The following DLGAP2 variants were observed in gnomAD, a reference collection of about 807,000 sequenced individuals.
DLGAP2 encodes disks large-associated protein 2.
DLGAP2 carries 26 observed loss-of-function variants against 100.3 expected under a neutral mutation model. That is an observed-to-expected ratio of 0.26 (90% CI 0.19 to 0.36). DLGAP2 has a LOEUF of 0.36. DLGAP2 is among the 10% of genes least tolerant of loss of function. The probability of loss-of-function intolerance (pLI) is 1.00; values close to 1 mark genes in which losing one functional copy is unlikely to be tolerated. For synonymous variants in DLGAP2, 886 were observed against 630.1 expected, an observed-to-expected ratio of 1.41 and a Z score of -6.08; for missense variants, 1,858 against 1,453.2, an observed-to-expected ratio of 1.28 and a Z score of -4.53.
intron 4 of DLGAP2, among the ~76,000 whole-genome samples, chr8:1,516,669 G>A (rs1019751968): frequency 6.6e-6 from 1 of 152,012 alleles, no homozygotes; most frequent in Non-Finnish European, 1.5e-5. Flanking sequence ...ATGAGTGGGT[G>A]ACTGAGTGAA....
intron 2 of DLGAP2, among the ~76,000 whole-genome samples, chr8:1,170,591 T>G (rs13255443): frequency 0.84 from 107,314 of 127,838 alleles, 45,648 homozygotes; most frequent in Non-Finnish European, 0.87. Flanking sequence ...GAGATTCAGC[T>G]TCTTCCTGGT....
At chr8:1,539,443 C>G (rs1049030306) in intron 4 of DLGAP2, among the ~76,000 whole-genome samples, 1 of 152,176 alleles carries the variant, frequency 6.6e-6, no homozygotes. Flanking sequence ...GCTCTAATCT[C>G]GGTGCACTGG....
intron 10 of DLGAP2, among the ~76,000 whole-genome samples, chr8:1,673,175 C>G (rs188001072): frequency 2.7e-4 from 41 of 152,290 alleles, no homozygotes; most frequent in African/African-American, 8.9e-4. Flanking sequence ...CAATCAATCA[C>G]AGCTCACTCC....
At chr8:1,419,211 T>C (rs1797024412) in intron 3 of DLGAP2, among the ~76,000 whole-genome samples, 1 of 98,144 alleles carries the variant, frequency 1.0e-5, no homozygotes, top group Non-Finnish European at 2.6e-5. Context: ...CGTGCGTGTG[T>C]GTGTGTGTGT....
At chr8:1,062,310 G>A (rs369036918) in intron 2 of DLGAP2, among the ~76,000 whole-genome samples, 19 of 152,332 alleles carry the variant, frequency 1.2e-4, no homozygotes, top group East Asian at 1.9e-4. Flanking sequence ...GCAGAGCTCC[G>A]TGGCAGCCTG....
chr8:1,063,232 A>AT (rs1462440060), intron 2 of DLGAP2, among the ~76,000 whole-genome samples: 3 of 152,364 alleles, frequency 2.0e-5, no homozygotes, highest in East Asian at 3.9e-4. Context: ...AAAAGCAGAG[A>AT]TTCCAAGATT....
intron 1 of DLGAP2, among the ~76,000 whole-genome samples, chr8:787,792 C>T (rs1207207907): frequency 6.6e-6 from 1 of 152,232 alleles, no homozygotes. Flanking sequence ...AGTGCCTCTA[C>T]ACTGGTGGTG....
At chr8:1,676,262 G>C (rs1458524149) in intron 10 of DLGAP2, among the ~76,000 whole-genome samples, 1 of 152,142 alleles carries the variant, frequency 6.6e-6, no homozygotes, top group Non-Finnish European at 1.5e-5. Context: ...TGCCTGAGCT[G>C]AACTAAGCAG....
intron 3 of DLGAP2, among the ~76,000 whole-genome samples, chr8:1,471,399 A>G (rs1463798873): frequency 8.0e-6 from 1 of 124,366 alleles, no homozygotes; most frequent in Non-Finnish European, 1.7e-5. Flanking sequence ...GCTGACCTCC[A>G]CACTCTGTCC....
chr8:1,419,794 G>C (rs542113119), intron 3 of DLGAP2, among the ~76,000 whole-genome samples: 1 of 152,320 alleles, frequency 6.6e-6, no homozygotes, highest in South Asian at 2.1e-4. Context: ...AAGGAAAACA[G>C]CATGGAGGTT....
chr8:1,097,299 G>A (rs1245170512), intron 2 of DLGAP2, among the ~76,000 whole-genome samples: 1 of 133,196 alleles, frequency 7.5e-6, no homozygotes, highest in Non-Finnish European at 1.6e-5. Flanking sequence ...TGGGAGCCCG[G>A]GGCAGGCCTT....
intron 4 of DLGAP2, among the ~76,000 whole-genome samples, chr8:1,540,821 C>A (rs1801338012): frequency 6.6e-6 from 1 of 152,242 alleles, no homozygotes; most frequent in Non-Finnish European, 1.5e-5. Flanking sequence ...ACAGTTCCAC[C>A]TTTGAAAATG....
At chr8:1,639,659 C>T (rs4875882) in intron 8 of DLGAP2, among the ~76,000 whole-genome samples, 28,440 of 152,226 alleles carry the variant, frequency 0.19, 2,724 homozygotes, top group Middle Eastern at 0.37. Flanking sequence ...ACAGATGTGC[C>T]GTCTCACAGT....
chr8:1,369,527 C>T (rs901811690), intron 3 of DLGAP2: 1 of 152,178 alleles, frequency 6.6e-6, no homozygotes. Flanking sequence ...GAATTCCTTC[C>T]CCTTGTTTCC....
chr8:969,283 A>C (rs936662296), intron 2 of DLGAP2, among the ~76,000 whole-genome samples: 1 of 152,076 alleles, frequency 6.6e-6, no homozygotes, highest in Non-Finnish European at 1.5e-5. Flanking sequence ...CTGGAACTTC[A>C]CAGTTGGCTC....
intron 3 of DLGAP2, among the ~76,000 whole-genome samples, chr8:1,391,374 C>T (rs1008254657): frequency 6.6e-6 from 1 of 152,184 alleles, no homozygotes; most frequent in Non-Finnish European, 1.5e-5. Flanking sequence ...ATTCAGAGGC[C>T]AGATCGGATC....
intron 3 of DLGAP2, among the ~76,000 whole-genome samples, chr8:1,306,144 G>C (rs373789851): frequency 1.4e-5 from 2 of 146,914 alleles, no homozygotes; most frequent in African/African-American, 4.9e-5. Context: ...AAGTAAAATT[G>C]TTATTTGCAG....
chr8:1,081,295 C>A (rs568483047), intron 2 of DLGAP2, among the ~76,000 whole-genome samples: 11 of 152,270 alleles, frequency 7.2e-5, no homozygotes, highest in Non-Finnish European at 1.6e-4. Context: ...TCATTCTTAG[C>A]TATTACTATT....
intron 3 of DLGAP2, among the ~76,000 whole-genome samples, chr8:1,468,815 C>T (rs1346774605): frequency 6.6e-6 from 1 of 152,224 alleles, no homozygotes; most frequent in Admixed American, 6.5e-5. Flanking sequence ...TTCCCTCCCA[C>T]TCTCCATGGA....
Sources: allele counts gnomAD v4.1 joint callset (sites outside exome capture counted in the v4.1 genomes callset), GRCh38; gene constraint gnomAD v4.1.1; transcripts MANE v1.5; gene names NCBI Gene and HGNC (gene_info 2026-07-23, HGNC 2026-07-21).